NEXMIF: variants seen among roughly 807,000 people sequenced by gnomAD.
The protein encoded by NEXMIF is XLMR protein related to neurite extension.
NEXMIF carries 8 observed loss-of-function variants against 62.1 expected under a neutral mutation model. The observed-to-expected ratio is 0.13, with a 90% CI of 0.08 to 0.23. NEXMIF has a LOEUF of 0.23. NEXMIF is among the 10% of genes least tolerant of loss of function. The pLI, the probability that NEXMIF is intolerant of heterozygous loss-of-function variation, is 1.00. For missense variants in NEXMIF, 976 were observed against 1,113.3 expected (o/e 0.88, Z 1.75); for synonymous variants, 404 against 416.6 (o/e 0.97, Z 0.37).
rs1466848372 is a variant in NEXMIF, at chrX:74,920,980, G to C, written c.-48+3903C>G. On this transcript the variant is annotated intron_variant, in intron 1 of 3. Coordinates refer to ENST00000055682, the MANE Select transcript of NEXMIF (RefSeq NM_001008537.3). ...TTTTTAATGGGGCTTGAGGGTGCTA[G>C]AGAAAACAGTAGATAATTGTTTACA... Among the ~76,000 whole-genome samples, 9 of 111,696 alleles carry C rather than the reference G, an allele frequency of 8.1e-5. No individual in the cohort carries two copies. The Admixed American group carries it at 8.6e-4, about 11-fold the overall frequency.
chrX:74,865,265 TG>T (rs1230398391), intron 1 of NEXMIF, among the ~76,000 whole-genome samples: 13 of 110,973 alleles, frequency 1.2e-4, no homozygotes, highest in Non-Finnish European at 2.3e-4. Flanking sequence ...CAGACTGAGG[TG>T]GTCTTAGATG....
At chrX:74,862,333 C>T (rs981520379) in intron 1 of NEXMIF, among the ~76,000 whole-genome samples, 26 of 110,797 alleles carry the variant, frequency 2.3e-4, no homozygotes, top group Non-Finnish European at 4.3e-4. Context: ...CACCCAGATT[C>T]GTAAAACAAG....
chrX:74,872,969 T>C (rs1291414916), intron 1 of NEXMIF, among the ~76,000 whole-genome samples: 1 of 110,123 alleles, frequency 9.1e-6, no homozygotes, highest in Non-Finnish European at 1.9e-5. Context: ...TTTAAAATTG[T>C]TTTGGTTTTT....
chrX:74,909,149 G>C (rs1454551165), intron 1 of NEXMIF, among the ~76,000 whole-genome samples: 1 of 111,768 alleles, frequency 8.9e-6, no homozygotes, highest in Non-Finnish European at 1.9e-5. Context: ...AAGTGACTTT[G>C]GAACTGGGTA....
At chrX:74,798,729 A>G (rs1223149061) in intron 1 of NEXMIF, among the ~76,000 whole-genome samples, 1 of 111,558 alleles carries the variant, frequency 9.0e-6, no homozygotes, top group African/African-American at 3.3e-5. Context: ...TATGTCTTCT[A>G]TTAACATATC....
At chrX:74,869,220 A>G (rs913490551) in intron 1 of NEXMIF, among the ~76,000 whole-genome samples, 4 of 111,995 alleles carry the variant, frequency 3.6e-5, no homozygotes, top group Admixed American at 9.5e-5. Context: ...CAGGACAAAA[A>G]TCATGTGATC....
chrX:74,812,222 T>C (rs1172674321), intron 1 of NEXMIF, among the ~76,000 whole-genome samples: 2 of 112,254 alleles, frequency 1.8e-5, no homozygotes, highest in African/African-American at 6.5e-5. Context: ...TGTTAATCAC[T>C]AGCAATAACT....
chrX:74,901,240 C>T (rs1338134628), intron 1 of NEXMIF, among the ~76,000 whole-genome samples: 1 of 111,886 alleles, frequency 8.9e-6, no homozygotes, highest in Admixed American at 9.5e-5. Context: ...TTAGAGGTAG[C>T]TGCCTGTCTA....
Position 74,739,450 on chromosome X carries a change from T to C in NEXMIF, c.4506A>G (p.Leu1502=), listed in dbSNP as rs761846973. 2 of 1,199,655 alleles carry C rather than the reference T, an allele frequency of 1.7e-6. No individual in the cohort carries two copies. Among genetic ancestry groups the C allele is most frequent in the African/African-American group, 3.6e-5 (2 of 56,270 alleles). The change falls in exon 4 of 4, where the codon TTA becomes TTG. Residue 1502 remains leucine (L), a synonymous_variant. Transcript: ENST00000055682. ...TGCGAGTCTCTTCTTCAAACACAGG[T>C]AAAACCCAAAAGGTTGTTTCTGCTT... is the stretch of plus-strand genomic sequence containing the variant. ...LLKAETTFWV[L]PVFEEETRIF...
intron 1 of NEXMIF, among the ~76,000 whole-genome samples, chrX:74,833,565 C>G (rs1311057312): frequency 9.0e-6 from 1 of 111,477 alleles, no homozygotes; most frequent in African/African-American, 3.3e-5. Flanking sequence ...ACAGTTTAGT[C>G]CATTTACATT....
At chrX:74,829,834 C>A (rs73625829) in intron 1 of NEXMIF, among the ~76,000 whole-genome samples, 3 of 111,379 alleles carry the variant, frequency 2.7e-5, no homozygotes, top group Non-Finnish European at 5.7e-5. Context: ...TTCCTGTTTG[C>A]CATTTATATT....
chrX:74,910,080 G>A (rs757438793), intron 1 of NEXMIF, among the ~76,000 whole-genome samples: 1 of 112,582 alleles, frequency 8.9e-6, no homozygotes, highest in African/African-American at 3.2e-5. Flanking sequence ...CCCCCACACA[G>A]AGTCCCTACT....
chrX:74,906,950 C>T (rs1366300856), intron 1 of NEXMIF, among the ~76,000 whole-genome samples: 1 of 111,126 alleles, frequency 9.0e-6, no homozygotes, highest in East Asian at 2.9e-4. Flanking sequence ...CCCATCATAC[C>T]TTTGTCCAGT....
chrX:74,878,291 T>C (rs778179586), intron 1 of NEXMIF, among the ~76,000 whole-genome samples: 1 of 112,058 alleles, frequency 8.9e-6, no homozygotes, highest in South Asian at 3.7e-4. Flanking sequence ...GCTTCCCAGT[T>C]AGGCTGCTCA....
chrX:74,819,663 C>T (rs1170718759), intron 1 of NEXMIF, among the ~76,000 whole-genome samples: 1 of 111,682 alleles, frequency 9.0e-6, no homozygotes. Context: ...GTTAGAATGG[C>T]GATCATTAAA....
intron 1 of NEXMIF, among the ~76,000 whole-genome samples, chrX:74,863,322 A>C (rs1373771709): frequency 9.0e-6 from 1 of 111,470 alleles, no homozygotes; most frequent in Non-Finnish European, 1.9e-5. Context: ...AAAACTGTTC[A>C]AACAATCAAT....
At chrX:74,913,944 A>C (rs999649224) in intron 1 of NEXMIF, among the ~76,000 whole-genome samples, 16 of 112,481 alleles carry the variant, frequency 1.4e-4, no homozygotes, top group African/African-American at 5.2e-4. Flanking sequence ...ATGTAAAAGA[A>C]GAAATCTAGA....
chrX:74,822,345 T>G (rs2080399952), intron 1 of NEXMIF, among the ~76,000 whole-genome samples: 1 of 111,740 alleles, frequency 8.9e-6, no homozygotes, highest in African/African-American at 3.3e-5. Flanking sequence ...AAATTGAACT[T>G]CAAAATTAAA....
chrX:74,861,964 C>A lies in NEXMIF; in HGVS notation c.-48+62919G>T, dbSNP rs776460360. Reference sequence around the variant, plus strand: ...AGTCTGCAAAATAACCAGCTAGCATCATGATGAAAGGACCAAATTCACACA... The same window carrying A: ...AGTCTGCAAAATAACCAGCTAGCATAATGATGAAAGGACCAAATTCACACA... On this transcript the variant is annotated intron_variant, in intron 1 of 3. Coordinates refer to ENST00000055682, the MANE Select transcript of NEXMIF (RefSeq NM_001008537.3). Among the ~76,000 whole-genome samples the A allele has an allele frequency of 2.7e-5, 3 of 111,734 alleles. No individual in the cohort carries two copies. The East Asian group carries it at 8.5e-4, about 31-fold the overall frequency.
Sources: gnomAD v4.1 joint callset for allele counts (sites outside exome capture counted in the v4.1 genomes callset) on GRCh38, gnomAD v4.1.1 for gene constraint, MANE v1.5 for transcripts, NCBI Gene and HGNC (gene_info 2026-07-23, HGNC 2026-07-21) for gene names.